BAZ1A: variants seen among roughly 807,000 people sequenced by gnomAD.
The protein encoded by BAZ1A is bromodomain adjacent to zinc finger domain 1A, also known as bromodomain adjacent to zinc finger domain protein 1A.
BAZ1A carries 50 observed loss-of-function variants against 185.2 expected under a neutral mutation model. The ratio of observed to expected loss-of-function variants is 0.27; its 90% CI spans 0.22 to 0.34. The LOEUF (loss-of-function observed/expected upper bound fraction) is 0.34. Among genes scored for constraint, BAZ1A ranks in the 10% least tolerant of loss-of-function variants. BAZ1A has a pLI of 1.00. For missense variants in BAZ1A, 1,356 were observed against 1,839.9 expected, an observed-to-expected ratio of 0.74 and a Z score of 4.81; for synonymous variants, 571 against 615.6, an observed-to-expected ratio of 0.93 and a Z score of 1.07.
chr14:34,804,428 T>C (rs1039657702), intron 6 of BAZ1A, among the ~76,000 whole-genome samples: 1 of 152,180 alleles, frequency 6.6e-6, no homozygotes, highest in Non-Finnish European at 1.5e-5. Flanking sequence ...CTGAAATACC[T>C]TTCAGGAAAT....
At position 34,874,372 on chromosome 14, in the gene BAZ1A, A is replaced by C; in HGVS notation, c.113+120T>G. 1.0e-6 allele frequency: 1 copy of C among 978,534 alleles called. No homozygotes were observed. Among genetic ancestry groups the C allele is most frequent in the Admixed American group, 2.3e-5 (1 of 43,986 alleles). The allele number at this position is 978,534 out of a possible 1,614,324, so 60.6% of individuals were successfully genotyped here. A position where few individuals can be genotyped will look rare whatever the true frequency, so the allele number is the denominator to read the frequency against. ...GCAGAGAACCGCGGGCCCGGGGGCC[A>C]CCCGTCACTTTCAAGTCGCCCCGCC... is the stretch of plus-strand genomic sequence containing the variant. On this transcript the variant is annotated intron_variant, in intron 2 of 26. Coordinates refer to ENST00000360310, the MANE Select transcript of BAZ1A (RefSeq NM_013448.3). This position sits in a 1 kb window ranked among gnomAD's most constrained non-coding sequence, Gnocchi z 4.7.
chr14:34,824,554 C>A (rs1307982376), intron 4 of BAZ1A, among the ~76,000 whole-genome samples: 1 of 152,090 alleles, frequency 6.6e-6, no homozygotes, highest in Admixed American at 6.6e-5. Flanking sequence ...TCCTAAGTCT[C>A]AGGTTTTTCC....
At chr14:34,754,652 C>T (rs1255119142) in intron 26 of BAZ1A, among the ~76,000 whole-genome samples, 175 bp downstream of exon 26, 1 of 152,162 alleles carries the variant, frequency 6.6e-6, no homozygotes, top group African/African-American at 2.4e-5. Flanking sequence ...TCCCCACATA[C>T]ACTAATAAGT....
chr14:34,847,964 A>C (rs946229801), intron 3 of BAZ1A, among the ~76,000 whole-genome samples: 3 of 151,998 alleles, frequency 2.0e-5, no homozygotes, highest in Non-Finnish European at 4.4e-5. Flanking sequence ...GGCTCTAGCA[A>C]TCTTCCCACC....
rs139409913 is a variant in BAZ1A at position 34,759,346 on chromosome 14, A to C, written c.4244-500T>G. Among the ~76,000 whole-genome samples the C allele has an allele frequency of 6.1e-3, 931 of 151,516 alleles. 11 individuals carry two copies. The highest frequency in any genetic ancestry group is 0.022 in the African/African-American group (896 of 41,320). The stretch of plus-strand genomic sequence containing the variant: ...TAGGCACCCGCCACGGCGCCCGGCT[A>C]ATTTTGTTTTGTATTTTTAGTAGAG... On this transcript the variant is annotated intron_variant, in intron 24 of 26. Coordinates refer to ENST00000360310, the MANE Select transcript of BAZ1A (RefSeq NM_013448.3).
chr14:34,827,916 AC>A (rs1337098066), intron 3 of BAZ1A, among the ~76,000 whole-genome samples: 1 of 151,132 alleles, frequency 6.6e-6, no homozygotes, highest in Non-Finnish European at 1.5e-5. Flanking sequence ...TAACTCTATC[AC>A]CCCTATTCTG....
At position 34,874,881 on chromosome 14, in the gene BAZ1A, T is replaced by C; in HGVS notation, c.-58-219A>G. 1 of 268,362 alleles carries C rather than the reference T, an allele frequency of 3.7e-6. No individual in the cohort carries two copies. The highest frequency in any genetic ancestry group is 7.0e-6 in the Non-Finnish European group (1 of 142,200). The allele number at this position is 268,362 out of a possible 1,614,324, so 16.6% of individuals were successfully genotyped here. A position where few individuals can be genotyped will look rare whatever the true frequency, so the allele number is the denominator to read the frequency against. Reference sequence around the variant, plus strand: ...GAGCGCGCCCTACCTCCTCTCGTCCTGCCGCCGCCTCACAATGGGGCAGGA... The same window carrying C: ...GAGCGCGCCCTACCTCCTCTCGTCCCGCCGCCGCCTCACAATGGGGCAGGA... On this transcript the variant is annotated intron_variant, in intron 1 of 26. Coordinates refer to ENST00000360310, the MANE Select transcript of BAZ1A (RefSeq NM_013448.3). The surrounding 1 kb of genome is among the most constrained non-coding windows in gnomAD (Gnocchi z 4.7).
rs573172984 is a variant in BAZ1A at position 34,772,746 on chromosome 14, G to T, written c.3152+826C>A. 3.4e-3 allele frequency among the ~76,000 whole-genome samples: 524 copies of T among 152,162 alleles called. 1 individual carries two copies. Among genetic ancestry groups the T allele is most frequent in the Non-Finnish European group, 6.1e-3 (412 of 67,958 alleles). On this transcript the variant is annotated intron_variant, in intron 20 of 26. Transcript: ENST00000360310. ...GGAATAGATGGGACTACAAGTGCAT[G>T]CCGGCCAGGCGTGGTGGCTCAGGCC...
intron 3 of BAZ1A, among the ~76,000 whole-genome samples, chr14:34,847,679 C>T (rs577042486): frequency 3.3e-5 from 5 of 152,134 alleles, no homozygotes; most frequent in Admixed American, 2.6e-4. Flanking sequence ...TTCATCTTAC[C>T]GCATCAATAT....
rs981652795 is a variant in BAZ1A at position 34,754,807 on chromosome 14, G to C, written c.4474+20C>G. On this transcript the variant is annotated intron_variant, in intron 26 of 26. Coordinates refer to ENST00000360310, the MANE Select transcript of BAZ1A (RefSeq NM_013448.3). ...ATGCCTTAGAAAAATAAATATCAAA[G>C]AAAAACATAAATTACTTACATGCTA... 1 of 1,500,550 alleles carries C rather than the reference G, an allele frequency of 6.7e-7. No individual in the cohort carries two copies. The highest frequency in any genetic ancestry group is 9.1e-7 in the Non-Finnish European group (1 of 1,100,988). The allele number at this position is 1,500,550 out of a possible 1,614,324, so 93.0% of individuals were successfully genotyped here.
chr14:34,865,243 G>GA (rs2042838275), intron 2 of BAZ1A, among the ~76,000 whole-genome samples: 1 of 151,868 alleles, frequency 6.6e-6, no homozygotes, highest in Non-Finnish European at 1.5e-5. Flanking sequence ...GAGACTGTCT[G>GA]AAAAAAAATT....
chr14:34,788,993 A>AT (rs1880675515), intron 12 of BAZ1A, among the ~76,000 whole-genome samples: 1 of 152,204 alleles, frequency 6.6e-6, no homozygotes, highest in Admixed American at 6.5e-5. Flanking sequence ...CATTTAAAGC[A>AT]TACATAGGGC....
At chr14:34,781,192 G>A (rs1027447517) in intron 16 of BAZ1A, among the ~76,000 whole-genome samples, 1 of 152,020 alleles carries the variant, frequency 6.6e-6, no homozygotes, top group African/African-American at 2.4e-5. Context: ...AAATGAGTGG[G>A]GCTGAATAAA....
chr14:34,834,588 T>C (rs2042299632), intron 3 of BAZ1A, among the ~76,000 whole-genome samples: 1 of 152,220 alleles, frequency 6.6e-6, no homozygotes. Context: ...GTAGTAATTA[T>C]TGTCAATGCT....
intron 3 of BAZ1A, among the ~76,000 whole-genome samples, chr14:34,841,519 A>C (rs1371630034): frequency 6.6e-6 from 1 of 152,076 alleles, no homozygotes; most frequent in Non-Finnish European, 1.5e-5. Flanking sequence ...CCTCTCAAGT[A>C]GCTGGGATTA....
chr14:34,870,319 C>T (rs1011478495), intron 2 of BAZ1A, among the ~76,000 whole-genome samples: 3 of 152,142 alleles, frequency 2.0e-5, no homozygotes, highest in Admixed American at 6.5e-5. Flanking sequence ...CAGGACAATA[C>T]GGCAGGCTTA....
At position 34,824,112 on chromosome 14, in the gene BAZ1A, T is replaced by C. The variant is rs570941722; in HGVS notation, c.536+1901A>G. Among the ~76,000 whole-genome samples the C allele has an allele frequency of 1.4e-3, 212 of 151,148 alleles. 1 individual carries two copies. Among genetic ancestry groups the C allele is most frequent in the Admixed American group, 4.6e-3 (70 of 15,146 alleles). On this transcript the variant is annotated intron_variant, in intron 4 of 26. Transcript: ENST00000360310. Reference sequence around the variant, plus strand: ...TTGGCCGGGCACAGTGGCTCCTGCCTGTAATCCCAGCACTTCAAGAGACTG... The same window carrying C: ...TTGGCCGGGCACAGTGGCTCCTGCCCGTAATCCCAGCACTTCAAGAGACTG...
At chr14:34,799,020 G>A (rs1881358723) in intron 9 of BAZ1A, among the ~76,000 whole-genome samples, 1 of 152,054 alleles carries the variant, frequency 6.6e-6, no homozygotes, top group South Asian at 2.1e-4. Flanking sequence ...TTAAGAAAAT[G>A]TGGTGCATAT....
chr14:34,874,575 CACAA>C lies in BAZ1A; in HGVS notation c.26_29del (p.Phe9Ter). On this transcript the variant is annotated frameshift_variant, in exon 2 of 27. Transcript: ENST00000360310. LOFTEE classifies it high-confidence loss of function. The surrounding 1 kb of genome is among the most constrained non-coding windows in gnomAD (Gnocchi z 4.7). ...GCAGGTCCGCGGGCGGCTTCTGTCTCACAAACGGCTTTCGGTGTAGCAGCGGCAT... is the reference window on the plus strand; with the variant it reads ...GCAGGTCCGCGGGCGGCTTCTGTCTCACGGCTTTCGGTGTAGCAGCGGCAT... The C allele has an allele frequency of 6.2e-7, 1 of 1,611,552 alleles. No individual in the cohort carries two copies.
Sources: allele counts gnomAD v4.1 joint callset (sites outside exome capture counted in the v4.1 genomes callset), GRCh38; gene constraint gnomAD v4.1.1; non-coding constraint Gnocchi (gnomAD v3.1); transcripts MANE v1.5; gene names NCBI Gene and HGNC (gene_info 2026-07-23, HGNC 2026-07-21).